GALNTL6: variants seen among roughly 807,000 people sequenced by gnomAD.
The protein encoded by GALNTL6 is polypeptide N-acetylgalactosaminyltransferase like 6, also known as polypeptide N-acetylgalactosaminyltransferase-like 6.
A neutral mutation model predicts 73.7 loss-of-function variants in GALNTL6; 46 were observed. That is an observed-to-expected ratio of 0.62 (90% CI 0.49 to 0.80). The LOEUF (loss-of-function observed/expected upper bound fraction) is 0.80, where lower values mean the gene tolerates loss of function less well. Among genes scored for constraint, GALNTL6 ranks in the 30% least tolerant of loss-of-function variants. The pLI is 0.00. For missense variants in GALNTL6, 604 were observed against 755.0 expected (o/e 0.80, Z 2.34); for synonymous variants, 259 against 263.7 (o/e 0.98, Z 0.17).
intron 5 of GALNTL6, among the ~76,000 whole-genome samples, chr4:172,590,410 G>GA (rs776182974): frequency 6.7e-5 from 10 of 149,246 alleles, no homozygotes; most frequent in East Asian, 3.9e-4. Flanking sequence ...TTAGGCAATT[G>GA]AAAAAAAAAT....
In GALNTL6 at chr4:172,859,748, C is replaced by T. The variant is rs1026323063; in HGVS notation, c.924-23042C>T. Reference sequence around the variant, plus strand: ...CAGGCACTCCCCATTGCTTGCATTACTGCCTGAGCTCCATCTCCTGTCAGA... The same window carrying T: ...CAGGCACTCCCCATTGCTTGCATTATTGCCTGAGCTCCATCTCCTGTCAGA... On this transcript the variant is annotated intron_variant, in intron 7 of 12. Coordinates refer to ENST00000506823, the MANE Select transcript of GALNTL6 (RefSeq NM_001034845.3). Among the ~76,000 whole-genome samples the T allele has an allele frequency of 3.9e-5, 6 of 152,272 alleles. No homozygotes were observed. In the East Asian group the frequency reaches 7.7e-4, roughly 20 times the overall value.
intron 3 of GALNTL6, among the ~76,000 whole-genome samples, chr4:172,249,696 TG>T (rs1449837317): frequency 6.6e-6 from 1 of 152,122 alleles, no homozygotes; most frequent in Non-Finnish European, 1.5e-5. Flanking sequence ...CAAGATACAA[TG>T]GGGGCCATTG....
intron 2 of GALNTL6, among the ~76,000 whole-genome samples, chr4:171,851,041 G>T (rs1735509798): frequency 6.6e-6 from 1 of 152,096 alleles, no homozygotes; most frequent in Admixed American, 6.6e-5. Context: ...TTTAATAAAG[G>T]CTCAGGGCAT....
chr4:172,914,925 C>T (rs908910248), intron 8 of GALNTL6, among the ~76,000 whole-genome samples: 1 of 152,198 alleles, frequency 6.6e-6, no homozygotes, highest in Non-Finnish European at 1.5e-5. Flanking sequence ...GAACTCTCCA[C>T]CCCAAATCAA....
At chr4:172,896,545 C>A (rs989749007) in intron 8 of GALNTL6, among the ~76,000 whole-genome samples, 54 of 152,198 alleles carry the variant, frequency 3.5e-4, no homozygotes, top group African/African-American at 1.3e-3. Context: ...GCATGTCTCC[C>A]AGCAGATCCC....
chr4:172,526,477 TCTTTA>T (rs1734957229), intron 5 of GALNTL6, among the ~76,000 whole-genome samples: 1 of 152,148 alleles, frequency 6.6e-6, no homozygotes, highest in Non-Finnish European at 1.5e-5. Context: ...TCAACTCCAG[TCTTTA>T]CTTTTCAATA....
intron 2 of GALNTL6, among the ~76,000 whole-genome samples, chr4:171,829,781 C>T (rs6849938): frequency 0.39 from 58,537 of 151,728 alleles, 13,741 homozygotes; most frequent in East Asian, 0.62. Context: ...CTTAAACATA[C>T]TAGTGGGTAG....
intron 2 of GALNTL6, among the ~76,000 whole-genome samples, chr4:171,941,120 T>G (rs1738529477): frequency 6.6e-6 from 1 of 152,174 alleles, no homozygotes; most frequent in African/African-American, 2.4e-5. Context: ...GCTACATTTA[T>G]GTATAAACCT....
chr4:171,854,476 C>A (rs1271270431), intron 2 of GALNTL6, among the ~76,000 whole-genome samples: 2 of 152,206 alleles, frequency 1.3e-5, no homozygotes, highest in East Asian at 3.8e-4. Context: ...TGCTTGTGGA[C>A]TCCTGCCACA....
At chr4:172,944,549 A>AT (rs563373681) in intron 9 of GALNTL6, among the ~76,000 whole-genome samples, 111 of 152,328 alleles carry the variant, frequency 7.3e-4, no homozygotes, top group African/African-American at 2.3e-3. Flanking sequence ...AACAATTCAG[A>AT]TTTTTTTAAA....
At chr4:172,125,257 CAG>C (rs762575180) in intron 2 of GALNTL6, among the ~76,000 whole-genome samples, 5 of 152,062 alleles carry the variant, frequency 3.3e-5, no homozygotes, top group African/African-American at 4.8e-5. Flanking sequence ...TAAATAAAGA[CAG>C]AATTTTCAAT....
chr4:172,688,338 G>C (rs1733056683), intron 5 of GALNTL6, among the ~76,000 whole-genome samples: 1 of 152,220 alleles, frequency 6.6e-6, no homozygotes, highest in Non-Finnish European at 1.5e-5. Flanking sequence ...ACCTATGGTA[G>C]CAAATTGGAG....
At chr4:172,921,561 C>T (rs1024496791) in intron 8 of GALNTL6, among the ~76,000 whole-genome samples, 1 of 152,004 alleles carries the variant, frequency 6.6e-6, no homozygotes, top group African/African-American at 2.4e-5. Flanking sequence ...TTTGGGAGGC[C>T]GAGGCAGGTG....
At chr4:171,847,831 C>T (rs1430159471) in intron 2 of GALNTL6, among the ~76,000 whole-genome samples, 1 of 152,128 alleles carries the variant, frequency 6.6e-6, no homozygotes, top group Non-Finnish European at 1.5e-5. Context: ...CAAATGTAGT[C>T]ACCTCCTCCC....
At chr4:172,028,879 T>C (rs1741677807) in intron 2 of GALNTL6, among the ~76,000 whole-genome samples, 1 of 152,004 alleles carries the variant, frequency 6.6e-6, no homozygotes, top group African/African-American at 2.4e-5. Flanking sequence ...ATAAAAATAA[T>C]AATTTTACAC....
intron 5 of GALNTL6, among the ~76,000 whole-genome samples, chr4:172,402,894 A>T (rs920414796): frequency 6.6e-6 from 1 of 152,106 alleles, no homozygotes; most frequent in Non-Finnish European, 1.5e-5. Context: ...CACATCTTGC[A>T]AAGTATTTCA....
chr4:172,526,832 AC>A (rs572025802), intron 5 of GALNTL6, among the ~76,000 whole-genome samples: 4 of 114,894 alleles, frequency 3.5e-5, no homozygotes, highest in Non-Finnish European at 7.3e-5. Flanking sequence ...AAAATCTCCC[AC>A]CCCCCCTGCC....
In GALNTL6 at chr4:172,739,677, C is replaced by T. The variant is rs183555129; in HGVS notation, c.554-69684C>T. Among the ~76,000 whole-genome samples the T allele has an allele frequency of 1.1e-4, 16 of 152,084 alleles. No individual in the cohort carries two copies. In the East Asian group the frequency reaches 3.1e-3, roughly 29 times the overall value. On this transcript the variant is annotated intron_variant, in intron 5 of 12. Coordinates refer to ENST00000506823, the MANE Select transcript of GALNTL6 (RefSeq NM_001034845.3). Reference sequence around the variant, plus strand: ...TAGTACCCAGGATGTAAGAACAATCCATTTTAGATCTGCCATCTCAGCAAG... The same window carrying T: ...TAGTACCCAGGATGTAAGAACAATCTATTTTAGATCTGCCATCTCAGCAAG...
At chr4:172,551,878 T>G (rs1322669879) in intron 5 of GALNTL6, among the ~76,000 whole-genome samples, 2 of 152,144 alleles carry the variant, frequency 1.3e-5, no homozygotes, top group African/African-American at 4.8e-5. Context: ...AAAGATAATT[T>G]AAGGTACTCA....
Sources: allele counts gnomAD v4.1 joint callset (sites outside exome capture counted in the v4.1 genomes callset), GRCh38; gene constraint gnomAD v4.1.1; transcripts MANE v1.5; gene names NCBI Gene and HGNC (gene_info 2026-07-23, HGNC 2026-07-21).